HPSE2: variants seen among roughly 807,000 people sequenced by gnomAD.
HPSE2 encodes the protein heparanase 2 (inactive).
Under a neutral mutation model 60.5 loss-of-function variants are expected in HPSE2, and 38 were observed. The ratio of observed to expected loss-of-function variants is 0.63; its 90% CI spans 0.48 to 0.82. The LOEUF (loss-of-function observed/expected upper bound fraction) is 0.82. Ranked by LOEUF, HPSE2 falls within the 40% of genes least tolerant of loss-of-function variation. The pLI, the probability that HPSE2 is intolerant of heterozygous loss-of-function variation, is 0.00. For missense variants in HPSE2, 713 were observed against 740.4 expected (o/e 0.96, Z 0.43); for synonymous variants, 295 against 293.2 (o/e 1.01, Z -0.06).
chr10:99,193,425 G>C (rs554014819), intron 2 of HPSE2, among the ~76,000 whole-genome samples: 1 of 151,710 alleles, frequency 6.6e-6, no homozygotes, highest in East Asian at 1.9e-4. Flanking sequence ...TAAGTCCTTA[G>C]TTATCAATAA....
At chr10:98,623,850 A>G (rs551006503) in intron 7 of HPSE2, among the ~76,000 whole-genome samples, 9,334 of 152,210 alleles carry the variant, frequency 0.061, 964 homozygotes, top group African/African-American at 0.21. Context: ...AATGAAAAAA[A>G]AAGTCAAACA....
intron 9 of HPSE2, among the ~76,000 whole-genome samples, chr10:98,578,656 C>A (rs1472624848): frequency 6.6e-6 from 1 of 152,170 alleles, no homozygotes; most frequent in Non-Finnish European, 1.5e-5. Context: ...AAAATTACTT[C>A]TTTAACAGAT....
At chr10:98,938,297 C>A (rs570622979) in intron 3 of HPSE2, among the ~76,000 whole-genome samples, 1 of 144,322 alleles carries the variant, frequency 6.9e-6, no homozygotes, top group Non-Finnish European at 1.5e-5. Context: ...CTCCGAGCTA[C>A]AGGAGGAAAT....
chr10:99,010,584 A>T (rs1380947329), intron 3 of HPSE2, among the ~76,000 whole-genome samples: 2 of 152,200 alleles, frequency 1.3e-5, no homozygotes, highest in Non-Finnish European at 2.9e-5. Context: ...TCATGGTATG[A>T]GAGGCCAACC....
At chr10:98,622,370 A>T (rs1946096383) in intron 7 of HPSE2, among the ~76,000 whole-genome samples, 1 of 152,228 alleles carries the variant, frequency 6.6e-6, no homozygotes, top group Non-Finnish European at 1.5e-5. Flanking sequence ...GGTGAAAATT[A>T]AAACAAAAAC....
chr10:98,531,947 G>C (rs1231579445), intron 9 of HPSE2, among the ~76,000 whole-genome samples: 1 of 152,112 alleles, frequency 6.6e-6, no homozygotes, highest in Non-Finnish European at 1.5e-5. Context: ...ATACTTATAA[G>C]TACTCCATAA....
At chr10:99,020,515 T>C (rs1957239567) in intron 3 of HPSE2, among the ~76,000 whole-genome samples, 1 of 152,214 alleles carries the variant, frequency 6.6e-6, no homozygotes, top group South Asian at 2.1e-4. Context: ...GACATTCCCT[T>C]TCCAAGGCAG....
At chr10:98,594,631 G>C (rs139774282) in intron 9 of HPSE2, among the ~76,000 whole-genome samples, 181 of 152,128 alleles carry the variant, frequency 1.2e-3, no homozygotes, top group African/African-American at 4.2e-3. Flanking sequence ...CAAATGACAG[G>C]ATTCCCTTCT....
chr10:98,832,575 T>C (rs887580740), intron 3 of HPSE2, among the ~76,000 whole-genome samples: 5 of 152,182 alleles, frequency 3.3e-5, no homozygotes, highest in African/African-American at 1.2e-4. Context: ...TCTAAAAGTC[T>C]AGGTGAGGTA....
At chr10:98,771,862 G>A (rs1465077297) in intron 3 of HPSE2, among the ~76,000 whole-genome samples, 2 of 152,122 alleles carry the variant, frequency 1.3e-5, no homozygotes, top group African/African-American at 4.8e-5. Flanking sequence ...CCTGGCAGAT[G>A]GTAAAGACAG....
chr10:99,172,482 C>T (rs1341924790), intron 2 of HPSE2, among the ~76,000 whole-genome samples: 1 of 152,128 alleles, frequency 6.6e-6, no homozygotes, highest in Admixed American at 6.5e-5. Flanking sequence ...ATATTGGACA[C>T]TATATTGGAC....
chr10:98,766,289 A>C (rs948070436), intron 3 of HPSE2, among the ~76,000 whole-genome samples: 1 of 152,190 alleles, frequency 6.6e-6, no homozygotes, highest in African/African-American at 2.4e-5. Context: ...ATAGTTTAAA[A>C]CCTTCAACAA....
chr10:99,264,790 T>C, the HPSE2 span, among the ~76,000 whole-genome samples: 1 of 147,436 alleles, frequency 6.8e-6, no homozygotes, highest in Non-Finnish European at 1.5e-5. Context: ...CAAATGCTCC[T>C]TCTAACAACC....
intron 6 of HPSE2, among the ~76,000 whole-genome samples, chr10:98,660,523 G>A (rs1424203973): frequency 6.6e-6 from 1 of 152,140 alleles, no homozygotes; most frequent in African/African-American, 2.4e-5. Context: ...TTTAAAAGGT[G>A]CCCCTGGCAT....
At chr10:99,147,364 A>G (rs1846093947) in intron 2 of HPSE2, among the ~76,000 whole-genome samples, 1 of 152,242 alleles carries the variant, frequency 6.6e-6, no homozygotes, top group South Asian at 2.1e-4. Context: ...ATGCTTTCTC[A>G]GAAAAAATTA....
rs374455015 is a variant in HPSE2 at position 98,811,371 on chromosome 10, G to GTGTT, written c.611-67319_611-67316dup. Among the ~76,000 whole-genome samples the GTGTT allele has an allele frequency of 9.2e-3, 1,397 of 152,254 alleles. 27 individuals are homozygous for GTGTT. The highest frequency in any genetic ancestry group is 0.032 in the African/African-American group (1,339 of 41,562). On this transcript the variant is annotated intron_variant, in intron 3 of 11. Coordinates refer to ENST00000370552, the MANE Select transcript of HPSE2 (RefSeq NM_021828.5). The stretch of plus-strand genomic sequence containing the variant: ...ACTCTATGAAAGTAGGGGTGACAGT[G>GTGTT]TGTTTGTTTATTTATTGTTTCCCCA...
intron 3 of HPSE2, among the ~76,000 whole-genome samples, chr10:98,988,445 T>G (rs201074573): frequency 0.15 from 21,904 of 150,414 alleles, 127 homozygotes; most frequent in Middle Eastern, 0.2. Flanking sequence ...TAGCCATATG[T>G]AGAAAGCTGA....
intron 3 of HPSE2, among the ~76,000 whole-genome samples, chr10:98,754,772 A>G (rs1050389894): frequency 2.0e-5 from 3 of 150,338 alleles, no homozygotes; most frequent in Non-Finnish European, 4.4e-5. Context: ...CAGGTGCCCA[A>G]TCCAGCCAAA....
chr10:99,162,513 T>C (rs1197774028), intron 2 of HPSE2, among the ~76,000 whole-genome samples: 1 of 152,148 alleles, frequency 6.6e-6, no homozygotes, highest in Non-Finnish European at 1.5e-5. Context: ...CCTCCTGTCT[T>C]CAATGCAGCC....
Sources: gnomAD v4.1 joint callset for allele counts (sites outside exome capture counted in the v4.1 genomes callset) on GRCh38, gnomAD v4.1.1 for gene constraint, MANE v1.5 for transcripts, NCBI Gene and HGNC (gene_info 2026-07-23, HGNC 2026-07-21) for gene names.